Variants in CIT observed in about 807,000 individuals in gnomAD.
The protein encoded by CIT is citron rho-interacting serine/threonine kinase, also known as citron Rho-interacting kinase.
CIT carries 79 observed loss-of-function variants against 272.7 expected under a neutral mutation model. The ratio of observed to expected loss-of-function variants is 0.29; its 90% CI spans 0.24 to 0.35. CIT has a LOEUF of 0.35. Among genes scored for constraint, CIT ranks in the 10% least tolerant of loss-of-function variants. The pLI is 1.00. For synonymous variants in CIT, 948 were observed against 995.6 expected (o/e 0.95, Z 0.90); for missense variants, 1,909 against 2,618.3 (o/e 0.73, Z 5.91).
chr12:119,758,192 C>T (rs1317548798), intron 21 of CIT, among the ~76,000 whole-genome samples: 1 of 152,196 alleles, frequency 6.6e-6, no homozygotes, highest in Non-Finnish European at 1.5e-5. Flanking sequence ...ACAGCCCTTG[C>T]TGAACCCCAA....
intron 5 of CIT, among the ~76,000 whole-genome samples, chr12:119,835,372 T>A (rs1488198413): frequency 6.6e-6 from 1 of 152,168 alleles, no homozygotes. Context: ...GGCACCAACA[T>A]GAAGTCTTCA....
chr12:119,784,912 C>T lies in CIT; in HGVS notation c.1401+48G>A, dbSNP rs763593953. ...GGGCGGATCCCTTGGCATATACGGACGGGAGGATCCTGGAGCAAGGAAGGA... is the reference window on the plus strand; with the variant it reads ...GGGCGGATCCCTTGGCATATACGGATGGGAGGATCCTGGAGCAAGGAAGGA... On this transcript the variant is annotated intron_variant, in intron 11 of 47. Coordinates refer to ENST00000392521, the MANE Select transcript of CIT (RefSeq NM_001206999.2). This position sits in a 1 kb window ranked among gnomAD's most constrained non-coding sequence, Gnocchi z 4.7. The T allele has an allele frequency of 5.0e-6, 8 of 1,605,492 alleles. No individual in the cohort carries two copies. Among genetic ancestry groups the T allele is most frequent in the African/African-American group, 1.3e-5 (1 of 74,836 alleles).
intron 4 of CIT, among the ~76,000 whole-genome samples, chr12:119,851,056 C>A (rs1476497046): frequency 6.6e-6 from 1 of 152,152 alleles, no homozygotes; most frequent in Non-Finnish European, 1.5e-5. Context: ...TGGATTGGAA[C>A]TGGGGGCACG....
rs1380018726 is a variant in CIT, at chr12:119,718,848, C to A, written c.3854G>T (p.Arg1285Leu). The change falls in exon 31 of 48, where the codon CGA becomes CTA. Residue 1285 changes from arginine to leucine, a missense_variant. Physicochemically the swap from Arg to Leu is moderately radical, Grantham distance 102 (BLOSUM62 -2). Around this residue, in one of 8 missense-constraint regions of CIT, gnomAD observed 780 missense variants for 1,067.2 expected, o/e 0.73. Transcript: ENST00000392521. The surrounding 1 kb of genome is among the most constrained non-coding windows in gnomAD (Gnocchi z 4.8). Reference sequence around the variant, plus strand: ...GGGTAAAGCAGGGTCCTCTTTCCGTCGACTAAATAAACCCTAGCAATGGAA... The same window carrying A: ...GGGTAAAGCAGGGTCCTCTTTCCGTAGACTAAATAAACCCTAGCAATGGAA... ...PAKKKKGLFS[R>L]RKEDPALPTQ... 6.2e-7 allele frequency: 1 copy of A among 1,614,022 alleles called. No homozygotes were observed. Among genetic ancestry groups the A allele is most frequent in the African/African-American group, 1.3e-5 (1 of 75,014 alleles).
chr12:119,830,681 A>AG (rs1968553639), intron 7 of CIT, among the ~76,000 whole-genome samples: 1 of 152,060 alleles, frequency 6.6e-6, no homozygotes, highest in African/African-American at 2.4e-5. Context: ...TCACATCTGG[A>AG]GGGGAGGGTG....
At chr12:119,849,453 G>A (rs1404252144) in intron 5 of CIT, among the ~76,000 whole-genome samples, 1 of 151,936 alleles carries the variant, frequency 6.6e-6, no homozygotes, top group African/African-American at 2.4e-5. Flanking sequence ...AAAAGAAAAT[G>A]GGGGGCTTTC....
intron 6 of CIT, among the ~76,000 whole-genome samples, 167 bp downstream of exon 6, chr12:119,833,916 GTCC>G (rs1241693808): frequency 6.6e-6 from 1 of 152,200 alleles, no homozygotes; most frequent in Non-Finnish European, 1.5e-5. Context: ...AAGCTGAAAT[GTCC>G]TCCATCTTGG....
intron 13 of CIT, among the ~76,000 whole-genome samples, chr12:119,778,647 C>A (rs1217172154): frequency 1.3e-5 from 2 of 152,000 alleles, no homozygotes; most frequent in African/African-American, 4.8e-5. Context: ...GTGACGCCCC[C>A]CCCCCAGAGC....
intron 10 of CIT, among the ~76,000 whole-genome samples, chr12:119,791,581 C>T (rs1464020871): frequency 2.0e-5 from 3 of 152,220 alleles, no homozygotes; most frequent in Non-Finnish European, 4.4e-5. Context: ...CCACACGTTG[C>T]TTGCCTACTC....
In CIT at chr12:119,832,002, G is replaced by GT. The variant is rs566346451; in HGVS notation, c.753+768dup. ...AAATTATGCATTTTCACTAGCATCA[G>GT]TTTTTTCTAGAGAAAGTATAAAAGA... On this transcript the variant is annotated intron_variant, in intron 7 of 47. Transcript: ENST00000392521. Among the ~76,000 whole-genome samples, 100 of 152,310 alleles carry GT rather than the reference G, an allele frequency of 6.6e-4. 1 individual carries two copies. The East Asian group carries it at 0.017, about 26-fold the overall frequency.
chr12:119,747,873 C>G (rs1418556562), intron 23 of CIT, among the ~76,000 whole-genome samples: 4 of 151,948 alleles, frequency 2.6e-5, no homozygotes, highest in African/African-American at 7.3e-5. Context: ...GTTATGAAAA[C>G]AGTCTGACAG....
chr12:119,833,124 AG>A (rs1433943780), intron 6 of CIT, among the ~76,000 whole-genome samples: 1 of 152,164 alleles, frequency 6.6e-6, no homozygotes, highest in East Asian at 1.9e-4. Flanking sequence ...GAGAAAGAAA[AG>A]GAAGAGAAAT....
At chr12:119,815,784 G>A (rs1967127268) in intron 9 of CIT, among the ~76,000 whole-genome samples, 1 of 152,162 alleles carries the variant, frequency 6.6e-6, no homozygotes, top group African/African-American at 2.4e-5. Context: ...TAGTGTTATA[G>A]GAGCATAGAA....
chr12:119,800,699 G>C (rs1966117930), intron 10 of CIT, among the ~76,000 whole-genome samples: 1 of 152,204 alleles, frequency 6.6e-6, no homozygotes, highest in African/African-American at 2.4e-5. Context: ...AAAACGGTGA[G>C]AAAAGAAAAA....
chr12:119,714,994 T>C (rs1344222743), intron 32 of CIT, among the ~76,000 whole-genome samples: 1 of 152,230 alleles, frequency 6.6e-6, no homozygotes, highest in Non-Finnish European at 1.5e-5. Context: ...GAATTGCAGC[T>C]GCCATAATTC....
chr12:119,825,452 C>G, intron 7 of CIT, 84 bp from the exon 8 acceptor site: 1 of 1,290,232 alleles, frequency 7.8e-7, no homozygotes, highest in Non-Finnish European at 1.1e-6. Flanking sequence ...CAGACACAAG[C>G]TGATTTGCCA....
At chr12:119,874,863 G>A (rs1471606547) in intron 2 of CIT, among the ~76,000 whole-genome samples, 3 of 149,576 alleles carry the variant, frequency 2.0e-5, no homozygotes, top group Admixed American at 1.3e-4. Flanking sequence ...CTCCAGCCTG[G>A]GCGACAGCGA....
At chr12:119,717,419 CTTTTTTTTTTTTT>C (rs60611060) in intron 32 of CIT, among the ~76,000 whole-genome samples, 1 of 54,232 alleles carries the variant, frequency 1.8e-5, no homozygotes, top group Non-Finnish European at 4.1e-5. Context: ...CTTTTCTTTT[CTTTTTTTTTTTTT>C]TTTTTTGAGA....
At chr12:119,810,038 C>A (rs891485017) in intron 9 of CIT, among the ~76,000 whole-genome samples, 1 of 152,174 alleles carries the variant, frequency 6.6e-6, no homozygotes, top group Non-Finnish European at 1.5e-5. Context: ...TAGAATAAAC[C>A]AGTAAATGTG....
Sources: gnomAD v4.1 joint callset for allele counts (sites outside exome capture counted in the v4.1 genomes callset) on GRCh38, gnomAD v4.1.1 for gene constraint, gnomAD v4.1.1 regional missense constraint, Gnocchi (gnomAD v3.1) non-coding constraint, MANE v1.5 for transcripts, NCBI Gene and HGNC (gene_info 2026-07-23, HGNC 2026-07-21) for gene names.